DAB2IP: variants seen among roughly 807,000 people sequenced by gnomAD.
The protein encoded by DAB2IP is disabled homolog 2-interacting protein.
In DAB2IP, 28 loss-of-function variants were observed where a neutral mutation model predicts 107.2. The ratio of observed to expected loss-of-function variants is 0.26; its 90% CI spans 0.19 to 0.36. The LOEUF (loss-of-function observed/expected upper bound fraction) is 0.36, where lower values mean the gene tolerates loss of function less well. DAB2IP is among the 10% of genes least tolerant of loss of function. DAB2IP has a pLI of 1.00. For missense variants in DAB2IP, 1,400 were observed against 1,644.7 expected (o/e 0.85, Z 2.57); for synonymous variants, 755 against 706.4 (o/e 1.07, Z -1.09).
intron 1 of DAB2IP, among the ~76,000 whole-genome samples, chr9:121,622,849 A>G (rs1441044608): frequency 6.6e-6 from 1 of 152,186 alleles, no homozygotes; most frequent in East Asian, 1.9e-4. Flanking sequence ...GACAGTGACA[A>G]GTACTGTGGG....
At chr9:121,645,295 G>A (rs1278501123) in intron 1 of DAB2IP, among the ~76,000 whole-genome samples, 1 of 152,194 alleles carries the variant, frequency 6.6e-6, no homozygotes, top group Non-Finnish European at 1.5e-5. Context: ...GGGTTGGGGT[G>A]AGGAAGGAGG....
At chr9:121,626,131 A>G (rs1417729097) in intron 1 of DAB2IP, among the ~76,000 whole-genome samples, 3 of 152,092 alleles carry the variant, frequency 2.0e-5, no homozygotes, top group African/African-American at 7.2e-5. Flanking sequence ...GTGGCCCCAG[A>G]GAGATGTCTA....
At chr9:121,641,989 TTTC>T (rs1832333795) in intron 1 of DAB2IP, among the ~76,000 whole-genome samples, 1 of 115,760 alleles carries the variant, frequency 8.6e-6, no homozygotes, top group Non-Finnish European at 1.8e-5. Context: ...TCTTTCTTTC[TTTC>T]CTTTCTCTCT....
At chr9:121,646,119 C>T (rs1832527037) in intron 1 of DAB2IP, among the ~76,000 whole-genome samples, 1 of 152,190 alleles carries the variant, frequency 6.6e-6, no homozygotes, top group Admixed American at 6.5e-5. Context: ...TTGACTGGTC[C>T]CCCACTTCCG....
intron 1 of DAB2IP, among the ~76,000 whole-genome samples, chr9:121,670,744 CA>C (rs1226844942): frequency 6.6e-6 from 1 of 152,228 alleles, no homozygotes; most frequent in Non-Finnish European, 1.5e-5. Context: ...TGGCCGGGCA[CA>C]GTGGGTCACG....
chr9:121,594,172 G>C (rs1830477833), intron 1 of DAB2IP, among the ~76,000 whole-genome samples: 1 of 151,936 alleles, frequency 6.6e-6, no homozygotes, highest in Non-Finnish European at 1.5e-5. Flanking sequence ...GGCTCAGAGG[G>C]ATGTAGTAGC....
chr9:121,651,646 C>T lies in DAB2IP; in HGVS notation c.-130C>T. 1.9e-6 allele frequency: 2 copies of T among 1,069,486 alleles called. No individual in the cohort carries two copies. Among genetic ancestry groups the T allele is most frequent in the Non-Finnish European group, 1.1e-6 (1 of 885,724 alleles). The allele number at this position is 1,069,486 out of a possible 1,614,324, so 66.2% of individuals were successfully genotyped here. ...GAGGAGTTTGAGCGACTTTGTGGGGCAGCCAGGGCCTCGGCGGCCGCTCGG... is the reference window on the plus strand; with the variant it reads ...GAGGAGTTTGAGCGACTTTGTGGGGTAGCCAGGGCCTCGGCGGCCGCTCGG... On this transcript the variant is annotated 5_prime_UTR_variant, in exon 1 of 16. Transcript: ENST00000408936. The surrounding 1 kb of genome is among the most constrained non-coding windows in gnomAD (Gnocchi z 5.1).
At chr9:121,667,203 G>A (rs1237189478) in intron 1 of DAB2IP, among the ~76,000 whole-genome samples, 2 of 152,100 alleles carry the variant, frequency 1.3e-5, no homozygotes, top group Non-Finnish European at 2.9e-5. Context: ...GTAGAGACCA[G>A]GTTTTGCCAT....
intron 3 of DAB2IP, among the ~76,000 whole-genome samples, chr9:121,703,061 G>T (rs918847711): frequency 6.6e-6 from 1 of 152,138 alleles, no homozygotes; most frequent in Admixed American, 6.5e-5. Flanking sequence ...GTGTGTGCTG[G>T]CTGGCGTTCC....
At chr9:121,612,155 CAAAA>C (rs532696495) in intron 1 of DAB2IP, among the ~76,000 whole-genome samples, 1 of 134,834 alleles carries the variant, frequency 7.4e-6, no homozygotes, top group Non-Finnish European at 1.6e-5. Flanking sequence ...CCTGTCTCTA[CAAAA>C]AAAAAAAAAT....
At chr9:121,688,926 G>A (rs1829024164) in intron 2 of DAB2IP, among the ~76,000 whole-genome samples, 1 of 152,160 alleles carries the variant, frequency 6.6e-6, no homozygotes, top group African/African-American at 2.4e-5. Context: ...AGGCCAGAGT[G>A]GTCCCCTGCC....
intron 3 of DAB2IP, among the ~76,000 whole-genome samples, chr9:121,738,378 C>A (rs552977664): frequency 1.3e-5 from 2 of 152,250 alleles, no homozygotes; most frequent in Admixed American, 6.6e-5. Flanking sequence ...GGAAGCTTTA[C>A]TTCTAAAACT....
intron 1 of DAB2IP, among the ~76,000 whole-genome samples, chr9:121,624,471 G>A (rs1194730703): frequency 2.0e-5 from 3 of 152,218 alleles, no homozygotes; most frequent in African/African-American, 7.2e-5. Context: ...GTAAGATGGG[G>A]AGGTAAAAAT....
chr9:121,571,294 G>T (rs998367916), intron 1 of DAB2IP, among the ~76,000 whole-genome samples: 2 of 152,112 alleles, frequency 1.3e-5, no homozygotes, highest in Admixed American at 1.3e-4. Flanking sequence ...TAAGCAATCT[G>T]GATCCCCAGA....
intron 1 of DAB2IP, among the ~76,000 whole-genome samples, chr9:121,567,752 T>C (rs113034196): frequency 5.7e-4 from 86 of 151,994 alleles, no homozygotes; most frequent in African/African-American, 1.7e-3. Context: ...GCATGCATTA[T>C]TGGGGGAAAA....
chr9:121,670,181 T>A (rs2119114511), intron 1 of DAB2IP, among the ~76,000 whole-genome samples: 1 of 152,368 alleles, frequency 6.6e-6, no homozygotes, highest in South Asian at 2.1e-4. Context: ...CTATGTGACC[T>A]TTTGATACTG....
intron 3 of DAB2IP, among the ~76,000 whole-genome samples, chr9:121,756,099 T>C (rs764097197): frequency 3.3e-5 from 5 of 152,166 alleles, no homozygotes; most frequent in Non-Finnish European, 7.4e-5. Flanking sequence ...GTCCTCACGC[T>C]TTTCCTCTGT....
chr9:121,779,588 C>T (rs1041977357), intron 14 of DAB2IP, among the ~76,000 whole-genome samples: 11 of 152,238 alleles, frequency 7.2e-5, no homozygotes, highest in Non-Finnish European at 1.2e-4. Flanking sequence ...AGGCTGCGTC[C>T]TGCAGAGCCT....
chr9:121,690,184 G>GT (rs760183692), intron 2 of DAB2IP, among the ~76,000 whole-genome samples: 1 of 152,170 alleles, frequency 6.6e-6, no homozygotes, highest in Non-Finnish European at 1.5e-5. Flanking sequence ...GCAGAGCTGG[G>GT]TTTTGACCCC....
Sources: gnomAD v4.1 joint callset for allele counts (sites outside exome capture counted in the v4.1 genomes callset) on GRCh38, gnomAD v4.1.1 for gene constraint, Gnocchi (gnomAD v3.1) non-coding constraint, MANE v1.5 for transcripts, NCBI Gene and HGNC (gene_info 2026-07-23, HGNC 2026-07-21) for gene names.